The following LY6D variants were observed in gnomAD, a reference collection of about 807,000 sequenced individuals.
LY6D encodes the protein lymphocyte antigen 6D.
In LY6D, 7 loss-of-function variants were observed where a neutral mutation model predicts 5.6. The ratio of observed to expected loss-of-function variants is 1.24; its 90% CI spans 0.71 to 2.34. LY6D has a LOEUF of 2.34. Among genes scored for constraint, LY6D ranks in the 30% most tolerant of loss-of-function variants. The pLI is 0.00. For synonymous variants in LY6D, 81 were observed against 75.0 expected, an observed-to-expected ratio of 1.08 and a Z score of -0.41; for missense variants, 148 against 164.8, an observed-to-expected ratio of 0.90 and a Z score of 0.56.
intron 1 of LY6D, chr8:142,786,258 C>G (rs1815653489): frequency 4.4e-6 from 6 of 1,372,634 alleles, no homozygotes; most frequent in Non-Finnish European, 5.6e-6. Context: ...CTCCAGGAGT[C>G]AGTTCTAAGA....
Position 142,785,206 on chromosome 8 carries a change from T to G in LY6D, c.*15A>C, listed in dbSNP as rs1373621529. On this transcript the variant is annotated 3_prime_UTR_variant, in exon 3 of 3. Coordinates refer to ENST00000301263, the MANE Select transcript of LY6D (RefSeq NM_003695.3). ...AGGGAAGGAAAGGCATGAGGGGCCT[T>G]CCCTGGGGGGAAGGTCACAGGCTGG... 6.3e-7 allele frequency: 1 copy of G among 1,587,690 alleles called. No homozygotes were observed. The highest frequency in any genetic ancestry group is 2.3e-5 in the East Asian group (1 of 44,304).
intron 2 of LY6D, 43 bp downstream of exon 2, chr8:142,785,546 G>A (rs970931423): frequency 5.0e-6 from 8 of 1,607,014 alleles, no homozygotes; most frequent in Non-Finnish European, 6.8e-6. Flanking sequence ...AACAGCCAGG[G>A]ATGTCCCCCA....
In LY6D at chr8:142,786,491, G is replaced by T. The variant is rs754934555; in HGVS notation, c.26C>A (p.Ala9Glu). 86 of 1,531,148 alleles carry T rather than the reference G, an allele frequency of 5.6e-5. 2 individuals are homozygous for T. The South Asian group carries it at 1.0e-3, about 18-fold the overall frequency. 94.8% of individuals were successfully genotyped at this position (1,531,148 alleles called of 1,614,324 possible). ...TGGCCCTGTAGCCACAGCCAGGGCT[G>T]CAAGGAGCAGCAATGCTGTCCTCAT... MRTALLLL[A>E]ALAVATGPAL... is the part of the protein sequence containing the mutation. The change falls in exon 1 of 3, where the codon GCA becomes GAA. Residue 9 changes from alanine to glutamate, a missense_variant. Coordinates refer to ENST00000301263, the MANE Select transcript of LY6D (RefSeq NM_003695.3).
chr8:142,786,370 T>G, intron 1 of LY6D, 95 bp downstream of exon 1: 1 of 1,447,364 alleles, frequency 6.9e-7, no homozygotes, highest in East Asian at 2.6e-5. Flanking sequence ...CGGGGTTCTC[T>G]GTGCCTAGAT....
chr8:142,786,055 A>C, intron 1 of LY6D: 1 of 1,192,360 alleles, frequency 8.4e-7, no homozygotes, highest in South Asian at 2.5e-5. Flanking sequence ...TGACGGAGCT[A>C]AGGCCCCGGG....
rs1450384470 is a variant in LY6D, at chr8:142,785,784, G to A, written c.53-97C>T. 2.6e-6 allele frequency: 4 copies of A among 1,530,510 alleles called. No homozygotes were observed. In the African/African-American group the frequency reaches 5.5e-5, roughly 21 times the overall value. The allele number at this position is 1,530,510 out of a possible 1,614,324, so 94.8% of individuals were successfully genotyped here. A position where few individuals can be genotyped will look rare whatever the true frequency, so the allele number is the denominator to read the frequency against. On this transcript the variant is annotated intron_variant, in intron 1 of 2. Transcript: ENST00000301263. ...CACCTGCAGAGACCCCTCCTGGACA[G>A]AGGCCCTGCTGCCCTTGCCCTAGGC...
rs377174876 is a variant in LY6D, at chr8:142,785,254, G to C, written c.354C>G (p.Ser118Arg). The change falls in exon 3 of 3, where the codon AGC (serine) becomes AGG (arginine). Residue 118 changes from serine to arginine, a missense_variant. Ser to Arg is a moderately radical substitution (Grantham distance 110). Transcript: ENST00000301263. Reference protein sequence around the residue: ...HSALSLGLALSLLAVILAPSL With the variant: ...HSALSLGLALRLLAVILAPSL The stretch of plus-strand genomic sequence containing the variant: ...TGGGGGCTAAGATGACGGCCAGGAG[G>C]CTCAGGGCCAGCCCCAGGCTGAGGG... The C allele has an allele frequency of 6.8e-6, 11 of 1,610,172 alleles. No homozygotes were observed. Among genetic ancestry groups the C allele is most frequent in the Middle Eastern group, 1.7e-4 (1 of 5,834 alleles).
chr8:142,786,430 G>GGCCCCCCCCCCCCCCCCCAGGGCCCCC, intron 1 of LY6D, 35 bp downstream of exon 1: 7 of 1,434,820 alleles, frequency 4.9e-6, no homozygotes, highest in East Asian at 2.6e-5. Context: ...GGCCACAGCC[G>GGCCCCCCCCCCCCCCCCCAGGGCCCCC]CCCACCCGCC....
chr8:142,786,267 G>C, intron 1 of LY6D, 198 bp downstream of exon 1: 1 of 1,376,024 alleles, frequency 7.3e-7, no homozygotes, highest in South Asian at 1.8e-5. Flanking sequence ...TCAGTTCTAA[G>C]ATCCTCAGAT....
chr8:142,784,952 G>C lies in LY6D; in HGVS notation c.*269C>G. On this transcript the variant is annotated 3_prime_UTR_variant, in exon 3 of 3. Transcript: ENST00000301263. ...TAAACGGCAACAAAACAGAAGGAGT[G>C]TGAAATCCGGGGATCCACAGGGCTT... 1 of 488,302 alleles carries C rather than the reference G, an allele frequency of 2.0e-6. No homozygotes were observed. Among genetic ancestry groups the C allele is most frequent in the East Asian group, 3.0e-5 (1 of 33,010 alleles). 30.2% of individuals were successfully genotyped at this position (488,302 alleles called of 1,614,324 possible).
At chr8:142,785,753 C>A (rs1362655297) in intron 1 of LY6D, 66 bp from the exon 2 acceptor site, 1 of 1,589,660 alleles carries the variant, frequency 6.3e-7, no homozygotes, top group Admixed American at 1.8e-5. Context: ...GCAGGGCCTG[C>A]TCCCCCACCT....
intron 2 of LY6D, 49 bp from the exon 3 acceptor site, chr8:142,785,505 A>C (rs1202338488): frequency 6.3e-7 from 1 of 1,596,838 alleles, no homozygotes; most frequent in Non-Finnish European, 8.6e-7. Flanking sequence ...TCTGCCCCCC[A>C]CCTCCCCACA....
chr8:142,785,510 C>T, intron 2 of LY6D, 54 bp from the exon 3 acceptor site: 2 of 1,600,802 alleles, frequency 1.2e-6, no homozygotes, highest in South Asian at 1.1e-5. Context: ...CCCCCACCTC[C>T]CCACAACCTT....
chr8:142,785,809 C>G (rs906868681), intron 1 of LY6D, 122 bp from the exon 2 acceptor site: 40 of 1,475,252 alleles, frequency 2.7e-5, no homozygotes, highest in Non-Finnish European at 3.4e-5. Flanking sequence ...TTGCCCTAGG[C>G]CCCCAAACCC....
intron 2 of LY6D, 57 bp from the exon 3 acceptor site, chr8:142,785,513 A>C: frequency 6.2e-7 from 1 of 1,601,238 alleles, no homozygotes; most frequent in Admixed American, 1.7e-5. Context: ...CCACCTCCCC[A>C]CAACCTTCCA....
At position 142,785,662 on chromosome 8, in the gene LY6D, G is replaced by T. The variant is rs372758687; in HGVS notation, c.78C>A (p.Cys26Ter). ...GPALTLRCHV[C>*]TSSSNCKHSV... Reference sequence around the variant, plus strand: ...AATGCTTGCAGTTGCTGGAGCTGGTGCACACGTGGCAGCGCAGGGTAAGGG... The same window carrying T: ...AATGCTTGCAGTTGCTGGAGCTGGTTCACACGTGGCAGCGCAGGGTAAGGG... Residue 26 changes from cysteine to a stop codon, truncating the protein, a stop_gained, in exon 2 of 3, where the codon TGC becomes TGA. Coordinates refer to ENST00000301263, the MANE Select transcript of LY6D (RefSeq NM_003695.3). LOFTEE classifies it high-confidence loss of function. 4.5e-5 allele frequency: 73 copies of T among 1,613,540 alleles called. No individual in the cohort carries two copies. The highest frequency in any genetic ancestry group is 6.0e-5 in the Non-Finnish European group (71 of 1,180,018).
chr8:142,785,219 G>C lies in LY6D; in HGVS notation c.*2C>G. ...CATGAGGGGCCTTCCCTGGGGGGAA[G>C]GTCACAGGCTGGGGGCTAAGATGAC... On this transcript the variant is annotated 3_prime_UTR_variant, in exon 3 of 3. Transcript: ENST00000301263. The C allele has an allele frequency of 1.3e-6, 2 of 1,596,594 alleles. No individual in the cohort carries two copies. Among genetic ancestry groups the C allele is most frequent in the Non-Finnish European group, 1.7e-6 (2 of 1,167,024 alleles).
chr8:142,784,944 GAA>G lies in LY6D; in HGVS notation c.*275_*276del. On this transcript the variant is annotated 3_prime_UTR_variant, in exon 3 of 3. Coordinates refer to ENST00000301263, the MANE Select transcript of LY6D (RefSeq NM_003695.3). ...TACAAAAATAAACGGCAACAAAACAGAAGGAGTGTGAAATCCGGGGATCCACA... is the reference window on the plus strand; with the variant it reads ...TACAAAAATAAACGGCAACAAAACAGGGAGTGTGAAATCCGGGGATCCACA... 2.3e-6 allele frequency: 1 copy of G among 439,560 alleles called. No homozygotes were observed. The highest frequency in any genetic ancestry group is 4.3e-5 in the South Asian group (1 of 23,384). The allele number at this position is 439,560 out of a possible 1,614,324, so 27.2% of individuals were successfully genotyped here.
In LY6D at chr8:142,786,529, C is replaced by A; in HGVS notation, c.-13G>T. 6.5e-7 allele frequency: 1 copy of A among 1,534,626 alleles called. No homozygotes were observed. Reference sequence around the variant, plus strand: ...ATGCTGTCCTCATCTCTGATGTCGTCTGGGAGCAGTGCGGGCCCCTGCATT... The same window carrying A: ...ATGCTGTCCTCATCTCTGATGTCGTATGGGAGCAGTGCGGGCCCCTGCATT... On this transcript the variant is annotated 5_prime_UTR_variant, in exon 1 of 3. Transcript: ENST00000301263.
Sources: gnomAD v4.1 joint callset for allele counts on GRCh38, gnomAD v4.1.1 for gene constraint, MANE v1.5 for transcripts, NCBI Gene and HGNC (gene_info 2026-07-23, HGNC 2026-07-21) for gene names.